Variants in CCDC144A observed in about 807,000 individuals in gnomAD.
The protein encoded by CCDC144A is coiled-coil domain-containing protein 144A.
CCDC144A carries 41 observed loss-of-function variants against 143.8 expected under a neutral mutation model. The ratio of observed to expected loss-of-function variants is 0.29; its 90% CI spans 0.22 to 0.37. CCDC144A has a LOEUF of 0.37. Ranked by LOEUF, CCDC144A falls within the 10% of genes least tolerant of loss-of-function variation. The pLI is 1.00. For synonymous variants in CCDC144A, 242 were observed against 517.9 expected (o/e 0.47, Z 7.23); for missense variants, 637 against 1,488.8 (o/e 0.43, Z 9.41).
At chr17:16,681,472 A>G in the CCDC144A span, among the ~76,000 whole-genome samples, 5 of 152,160 alleles carry the variant, frequency 3.3e-5, no homozygotes, top group Admixed American at 3.3e-4. Flanking sequence ...GCTCATGGAG[A>G]CAGATCAGTG....
In CCDC144A at chr17:16,772,028, C is replaced by T. The variant is rs1195129340; in HGVS notation, c.4141+9C>T. On this transcript the variant is annotated intron_variant, in intron 16 of 16. Transcript: ENST00000399273. ...AACTGCAGAAGTAGCAGGTATGTTA[C>T]CAAAATTTATGAATTAAATTTAGAT... 1 of 1,526,254 alleles carries T rather than the reference C, an allele frequency of 6.6e-7. No homozygotes were observed. The highest frequency in any genetic ancestry group is 2.0e-5 in the Admixed American group (1 of 49,890). 94.5% of individuals were successfully genotyped at this position (1,526,254 alleles called of 1,614,324 possible). A position where few individuals can be genotyped will look rare whatever the true frequency, so the allele number is the denominator to read the frequency against.
At chr17:16,757,693 A>C (rs997777577) in intron 12 of CCDC144A, among the ~76,000 whole-genome samples, 1 of 152,212 alleles carries the variant, frequency 6.6e-6, no homozygotes, top group Non-Finnish European at 1.5e-5. Context: ...GGCCTCCTAA[A>C]GGTATGTACA....
At position 16,709,187 on chromosome 17, in the gene CCDC144A, A is replaced by G. The variant is rs764939295; in HGVS notation, c.1130A>G (p.Tyr377Cys). Residue 377 changes from tyrosine to cysteine, a missense_variant, in exon 5 of 17, where the codon TAT (tyrosine) becomes TGT (cysteine). Coordinates refer to ENST00000399273, the MANE Select transcript of CCDC144A (RefSeq NM_001382000.1). ...CTCAAAAATATCATCCATCCATACT[A>G]TCATCCATACTCTGGGTCCCAGGAA... ...PSLKNIIHPYYHPYSGSQEHV... is the reference protein window; with the variant it reads ...PSLKNIIHPYCHPYSGSQEHV... 1.9e-6 allele frequency: 3 copies of G among 1,611,618 alleles called. No individual in the cohort carries two copies. The highest frequency in any genetic ancestry group is 1.3e-5 in the African/African-American group (1 of 74,846).
rs1915973318 is a variant in CCDC144A, at chr17:16,775,472, T to G, written c.*1839T>G. Reference sequence around the variant, plus strand: ...TCAGATGATCAGTGATGTTGAAGTTTTTTTGTTTGTTGGCTGCATGTATGC... The same window carrying G: ...TCAGATGATCAGTGATGTTGAAGTTGTTTTGTTTGTTGGCTGCATGTATGC... On this transcript the variant is annotated 3_prime_UTR_variant, in exon 17 of 17. Coordinates refer to ENST00000399273, the MANE Select transcript of CCDC144A (RefSeq NM_001382000.1). 6.6e-6 allele frequency: 1 copy of G among 152,212 alleles called. No homozygotes were observed. The highest frequency in any genetic ancestry group is 2.1e-4 in the South Asian group (1 of 4,838). 9.4% of individuals were successfully genotyped at this position (152,212 alleles called of 1,614,324 possible).
intron 8 of CCDC144A, among the ~76,000 whole-genome samples, chr17:16,720,987 C>G (rs969238942): frequency 6.6e-5 from 10 of 152,136 alleles, no homozygotes; most frequent in Non-Finnish European, 1.2e-4. Flanking sequence ...CTCCTAAAAC[C>G]ATGGTCTAGT....
chr17:16,716,368 T>C (rs1281886986), intron 6 of CCDC144A, among the ~76,000 whole-genome samples: 4 of 152,144 alleles, frequency 2.6e-5, no homozygotes, highest in Non-Finnish European at 4.4e-5. Flanking sequence ...TGATATTCTT[T>C]TTTTTATTCC....
the CCDC144A span, among the ~76,000 whole-genome samples, chr17:16,675,125 C>T: frequency 2.6e-5 from 4 of 151,480 alleles, no homozygotes; most frequent in African/African-American, 4.9e-5. Flanking sequence ...AAAAATCAGC[C>T]GGGTGTGGTG....
chr17:16,669,858 A>T, the CCDC144A span, among the ~76,000 whole-genome samples: 2 of 152,116 alleles, frequency 1.3e-5, no homozygotes, highest in Non-Finnish European at 2.9e-5. Context: ...TTTTACCCTA[A>T]CATAAGTCAA....
At chr17:16,769,647 C>T (rs986973993) in intron 15 of CCDC144A, among the ~76,000 whole-genome samples, 5 of 152,014 alleles carry the variant, frequency 3.3e-5, no homozygotes, top group Admixed American at 6.6e-5. Context: ...TTCTGTTCTG[C>T]GGTTTGAAAA....
At chr17:16,678,752 T>G in the CCDC144A span, among the ~76,000 whole-genome samples, 95 of 79,036 alleles carry the variant, frequency 1.2e-3, no homozygotes, top group Non-Finnish European at 1.8e-3. Context: ...GGCTAATTTG[T>G]TTTTTTTTTT....
chr17:16,734,396 A>C (rs1378215616), intron 11 of CCDC144A, among the ~76,000 whole-genome samples: 4 of 152,172 alleles, frequency 2.6e-5, no homozygotes, highest in African/African-American at 9.6e-5. Context: ...CAAATTTATT[A>C]ATCTTTAATG....
intron 12 of CCDC144A, among the ~76,000 whole-genome samples, chr17:16,754,916 G>A (rs1445746996): frequency 1.3e-5 from 2 of 152,150 alleles, no homozygotes; most frequent in Admixed American, 6.5e-5. Context: ...CAGGTATTGA[G>A]TATATATACC....
chr17:16,729,991 T>TATATATATATATATATACACACACAC (rs1491438660), intron 9 of CCDC144A, among the ~76,000 whole-genome samples: 8 of 114,872 alleles, frequency 7.0e-5, no homozygotes, highest in Non-Finnish European at 1.1e-4. Context: ...TATATATATA[T>TATATATATATATATATACACACACAC]ACACACATAC....
rs200413083 is a variant in CCDC144A, at chr17:16,705,861, T to C, written c.664+462T>C. ...TTAGGAGGCCGAGGTGGGTGGATCA[T>C]GAGGTCAGTAGTTCGAGACCAGCCT... On this transcript the variant is annotated intron_variant, in intron 3 of 16. Transcript: ENST00000399273. The C allele has an allele frequency of 5.2e-3, 999 of 190,670 alleles. 19 individuals carry two copies. The highest frequency in any genetic ancestry group is 0.023 in the African/African-American group (944 of 41,614). The allele number at this position is 190,670 out of a possible 1,614,324, so 11.8% of individuals were successfully genotyped here. A position where few individuals can be genotyped will look rare whatever the true frequency, so the allele number is the denominator to read the frequency against.
At chr17:16,743,012 A>G (rs2085006839) in intron 12 of CCDC144A, among the ~76,000 whole-genome samples, 2 of 152,058 alleles carry the variant, frequency 1.3e-5, no homozygotes, top group African/African-American at 2.4e-5. Context: ...CCCAGTCTAC[A>G]ATTGTTGGTT....
chr17:16,702,547 A>G (rs1367388633), intron 2 of CCDC144A, among the ~76,000 whole-genome samples: 1 of 151,662 alleles, frequency 6.6e-6, no homozygotes, highest in Non-Finnish European at 1.5e-5. Flanking sequence ...GTTTTGCCAC[A>G]TAACACAGCA....
intron 8 of CCDC144A, among the ~76,000 whole-genome samples, chr17:16,725,615 G>A (rs1913370245): frequency 1.3e-5 from 2 of 152,152 alleles, no homozygotes; most frequent in Admixed American, 6.5e-5. Context: ...TGGAGGTTGG[G>A]GACTTGTGGG....
chr17:16,745,685 G>T lies in CCDC144A; in HGVS notation c.3372+10042G>T, dbSNP rs541592457. On this transcript the variant is annotated intron_variant, in intron 12 of 16. Transcript: ENST00000399273. ...CAGTCCCCGAACCTTCTGCCTTGCAGATCCTCCTGTTTCCGCCACACTCTC... is the reference window on the plus strand; with the variant it reads ...CAGTCCCCGAACCTTCTGCCTTGCATATCCTCCTGTTTCCGCCACACTCTC... The T allele has an allele frequency of 1.8e-5, 29 of 1,613,234 alleles. No individual in the cohort carries two copies. The East Asian group carries it at 6.5e-4, about 36-fold the overall frequency.
the CCDC144A span, among the ~76,000 whole-genome samples, chr17:16,668,745 T>G: frequency 5.3e-5 from 8 of 152,218 alleles, no homozygotes; most frequent in African/African-American, 1.9e-4. Context: ...TACTATAAAC[T>G]GGGTGCTTTC....
Sources: allele counts gnomAD v4.1 joint callset (sites outside exome capture counted in the v4.1 genomes callset), GRCh38; gene constraint gnomAD v4.1.1; transcripts MANE v1.5; gene names NCBI Gene and HGNC (gene_info 2026-07-23, HGNC 2026-07-21).